The following OR4S2 variants were observed in gnomAD, a reference collection of about 807,000 sequenced individuals.
OR4S2 encodes the protein olfactory receptor 4S2.
A neutral mutation model predicts 15.1 loss-of-function variants in OR4S2; 16 were observed. The observed-to-expected ratio is 1.06, with a 90% CI of 0.72 to 1.61. The LOEUF is 1.61. Among genes scored for constraint, OR4S2 ranks in the 40% most tolerant of loss-of-function variants. The pLI is 0.00. For synonymous variants in OR4S2, 133 were observed against 136.3 expected (o/e 0.98, Z 0.17); for missense variants, 362 against 379.6 (o/e 0.95, Z 0.38).
rs970965785 is a variant in OR4S2, at chr11:55,649,427, G to A, written c.-37+877G>A. On this transcript the variant is annotated intron_variant, in intron 1 of 1. Coordinates refer to ENST00000641692, the MANE Select transcript of OR4S2 (RefSeq NM_001004059.3). ...ATTAGGCACGACTTCACTGCATAAG[G>A]ATAGCTGAGAGCACAGAGTTTAGTA... Among the ~76,000 whole-genome samples, 3 of 138,416 alleles carry A rather than the reference G, an allele frequency of 2.2e-5. 1 individual carries two copies. The highest frequency in any genetic ancestry group is 1.6e-5 in the Non-Finnish European group (1 of 62,164). The allele number at this position is 138,416 out of a possible 152,430, so 90.8% of individuals were successfully genotyped here.
intron 1 of OR4S2, 59 bp from the exon 2 acceptor site, chr11:55,650,809 G>T (rs139342090): frequency 4.8e-6 from 3 of 621,426 alleles, no homozygotes; most frequent in African/African-American, 1.8e-5. Flanking sequence ...GTGATTTTCC[G>T]TTGGTTCTGC....
In OR4S2 at chr11:55,651,340, C is replaced by T. The variant is rs778705235; in HGVS notation, c.437C>T (p.Thr146Met). 215 of 1,483,726 alleles carry T rather than the reference C, an allele frequency of 1.4e-4. 33 individuals are homozygous for T. The highest frequency in any genetic ancestry group is 1.9e-4 in the Non-Finnish European group (202 of 1,089,438). The allele number at this position is 1,483,726 out of a possible 1,614,324, so 91.9% of individuals were successfully genotyped here. The change falls in exon 2 of 2, where the codon ACG becomes ATG. Residue 146 changes from threonine (T) to methionine (M), a missense_variant. Transcript: ENST00000641692. ...ACATGCAATAAAATGTTATTAGGGA[C>T]GTGGGTAGGTGGGTTCTTACACTCC... is the stretch of plus-strand genomic sequence containing the variant. ...RETCNKMLLG[T>M]WVGGFLHSII...
chr11:55,650,844 C>T lies in OR4S2; in HGVS notation c.-36-24C>T. The T allele has an allele frequency of 2.0e-5, 16 of 810,290 alleles. 1 individual carries two copies. Among genetic ancestry groups the T allele is most frequent in the South Asian group, 1.1e-4 (6 of 54,892 alleles). The allele number at this position is 810,290 out of a possible 1,614,324, so 50.2% of individuals were successfully genotyped here. A position where few individuals can be genotyped will look rare whatever the true frequency, so the allele number is the denominator to read the frequency against. ...CGTTAGAAATAAAATAAATACAGTC[C>T]TTTTTATGTTTTCTTTTTTTCAGGT... On this transcript the variant is annotated intron_variant, in intron 1 of 1. Coordinates refer to ENST00000641692, the MANE Select transcript of OR4S2 (RefSeq NM_001004059.3).
rs1858573355 is a variant in OR4S2, at chr11:55,651,806, C to T, written c.903C>T (p.Gly301=). The T allele has an allele frequency of 6.9e-7, 1 of 1,443,838 alleles. No individual in the cohort carries two copies. Among genetic ancestry groups the T allele is most frequent in the East Asian group, 2.6e-5 (1 of 38,302 alleles). 89.4% of individuals were successfully genotyped at this position (1,443,838 alleles called of 1,614,324 possible). A position where few individuals can be genotyped will look rare whatever the true frequency, so the allele number is the denominator to read the frequency against. ...AGAATGCAATGAAGAAACTGTGGGG[C>T]AGAAATGTTTTCTTGGAGGCTAAAG... ...EVKNAMKKLW[G]RNVFLEAKGK is the part of the protein sequence containing the mutation. The change falls in exon 2 of 2, where the codon GGC becomes GGT. Residue 301 remains glycine, a synonymous_variant. Transcript: ENST00000641692.
intron 1 of OR4S2, among the ~76,000 whole-genome samples, chr11:55,650,164 A>C (rs747523290): frequency 1.4e-5 from 2 of 139,222 alleles, no homozygotes; most frequent in Non-Finnish European, 3.2e-5. Context: ...AATTTCTGTT[A>C]AGTTAAATAA....
rs1858576584 is a variant in OR4S2 at position 55,652,049 on chromosome 11, G to A, written c.*210G>A. On this transcript the variant is annotated 3_prime_UTR_variant, in exon 2 of 2. Coordinates refer to ENST00000641692, the MANE Select transcript of OR4S2 (RefSeq NM_001004059.3). ...AACTTCCTGAAATATCTATGACACA[G>A]AAATATTATTAAACTTAGAATCACA... 1 of 299,268 alleles carries A rather than the reference G, an allele frequency of 3.3e-6. No individual in the cohort carries two copies. The highest frequency in any genetic ancestry group is 6.0e-6 in the Non-Finnish European group (1 of 165,968). 18.5% of individuals were successfully genotyped at this position (299,268 alleles called of 1,614,324 possible). A position where few individuals can be genotyped will look rare whatever the true frequency, so the allele number is the denominator to read the frequency against.
chr11:55,648,501 C>T lies in OR4S2; in HGVS notation c.-86C>T, dbSNP rs1858525412. 1.5e-5 allele frequency: 2 copies of T among 137,570 alleles called. No homozygotes were observed. The highest frequency in any genetic ancestry group is 3.2e-5 in the Non-Finnish European group (2 of 61,924). The allele number at this position is 137,570 out of a possible 1,614,324, so 8.5% of individuals were successfully genotyped here. A position where few individuals can be genotyped will look rare whatever the true frequency, so the allele number is the denominator to read the frequency against. On this transcript the variant is annotated 5_prime_UTR_variant, in exon 1 of 2. Transcript: ENST00000641692. ...CCTTGGGAAGCTGCACCCAAATTAACTCAAGAAGAGATAGAAACATAAAGT... is the reference window on the plus strand; with the variant it reads ...CCTTGGGAAGCTGCACCCAAATTAATTCAAGAAGAGATAGAAACATAAAGT...
rs1283763403 is a variant in OR4S2 at position 55,652,537 on chromosome 11, C to T, written c.*698C>T. 3 of 139,030 alleles carry T rather than the reference C, an allele frequency of 2.2e-5. No homozygotes were observed. Among genetic ancestry groups the T allele is most frequent in the African/African-American group, 7.5e-5 (3 of 40,004 alleles). The allele number at this position is 139,030 out of a possible 1,614,324, so 8.6% of individuals were successfully genotyped here. On this transcript the variant is annotated 3_prime_UTR_variant, in exon 2 of 2. Transcript: ENST00000641692. ...CTCAGTCTTTCAAAAGAATAAACCT[C>T]CAATCTTTTGTGAAGTAATATAGAG...
rs1394583055 is a variant in OR4S2, at chr11:55,651,047, C to A, written c.144C>A (p.Cys48Ter). 2 of 1,479,146 alleles carry A rather than the reference C, an allele frequency of 1.4e-6. No homozygotes were observed. Among genetic ancestry groups the A allele is most frequent in the Non-Finnish European group, 1.8e-6 (2 of 1,085,102 alleles). 91.6% of individuals were successfully genotyped at this position (1,479,146 alleles called of 1,614,324 possible). ...ATCTCCTCATCATGCTGACAGTTTG[C>A]CTGAGCAACCTGTTTAAGTCACCCA... ...LGNLLIMLTVCLSNLFKSPMY... is the reference protein window; with the variant it reads ...LGNLLIMLTV The change falls in exon 2 of 2, where the codon TGC becomes TGA. Residue 48 changes from cysteine (C) to a stop codon, truncating the protein, a stop_gained. Coordinates refer to ENST00000641692, the MANE Select transcript of OR4S2 (RefSeq NM_001004059.3). LOFTEE classifies it high-confidence loss of function.
chr11:55,649,544 G>T (rs1858538230), intron 1 of OR4S2, among the ~76,000 whole-genome samples: 1 of 138,332 alleles, frequency 7.2e-6, no homozygotes, highest in South Asian at 2.4e-4. Flanking sequence ...TACACCTGCG[G>T]TTGATTAGCG....
In OR4S2 at chr11:55,651,945, A is replaced by T; in HGVS notation, c.*106A>T. 1.8e-6 allele frequency: 1 copy of T among 552,334 alleles called. No homozygotes were observed. 34.2% of individuals were successfully genotyped at this position (552,334 alleles called of 1,614,324 possible). A position where few individuals can be genotyped will look rare whatever the true frequency, so the allele number is the denominator to read the frequency against. ...ACCTCATGGGATTTGGAGTGGAAAA[A>T]TGAGACAATAACACATTCAAAAGAG... On this transcript the variant is annotated 3_prime_UTR_variant, in exon 2 of 2. Coordinates refer to ENST00000641692, the MANE Select transcript of OR4S2 (RefSeq NM_001004059.3).
rs1161100606 is a variant in OR4S2, at chr11:55,649,277, C to T, written c.-37+727C>T. Among the ~76,000 whole-genome samples the T allele has an allele frequency of 1.4e-5, 2 of 138,348 alleles. 1 individual carries two copies. The highest frequency in any genetic ancestry group is 4.7e-4 in the East Asian group (2 of 4,244). The allele number at this position is 138,348 out of a possible 152,430, so 90.8% of individuals were successfully genotyped here. On this transcript the variant is annotated intron_variant, in intron 1 of 1. Coordinates refer to ENST00000641692, the MANE Select transcript of OR4S2 (RefSeq NM_001004059.3). ...TTGAGACTGTATCTAAATCATATTACTATTACTCTTACAATCATTATTTTG... is the reference window on the plus strand; with the variant it reads ...TTGAGACTGTATCTAAATCATATTATTATTACTCTTACAATCATTATTTTG...
Position 55,652,037 on chromosome 11 carries a change from ATC to A in OR4S2, c.*200_*201del. On this transcript the variant is annotated 3_prime_UTR_variant, in exon 2 of 2. Coordinates refer to ENST00000641692, the MANE Select transcript of OR4S2 (RefSeq NM_001004059.3). ...TCATAATTAGATAACTTCCTGAAAT[ATC>A]TATGACACAGAAATATTATTAAACT... The A allele has an allele frequency of 3.1e-6, 1 of 319,858 alleles. No individual in the cohort carries two copies. Among genetic ancestry groups the A allele is most frequent in the Non-Finnish European group, 5.6e-6 (1 of 178,354 alleles). 19.8% of individuals were successfully genotyped at this position (319,858 alleles called of 1,614,324 possible).
chr11:55,651,656 C>A lies in OR4S2; in HGVS notation c.753C>A (p.Pro251=). The A allele has an allele frequency of 3.3e-6, 5 of 1,493,012 alleles. 1 individual carries two copies. The highest frequency in any genetic ancestry group is 4.6e-6 in the Non-Finnish European group (5 of 1,097,686). 92.5% of individuals were successfully genotyped at this position (1,493,012 alleles called of 1,614,324 possible). A position where few individuals can be genotyped will look rare whatever the true frequency, so the allele number is the denominator to read the frequency against. Reference sequence around the variant, plus strand: ...CCATGGTCGTTATCTTTTTCGGCCCCTGTACTTTTATGTACATGCGCCCTG... The same window carrying A: ...CCATGGTCGTTATCTTTTTCGGCCCATGTACTTTTATGTACATGCGCCCTG... ...HIAMVVIFFG[P]CTFMYMRPDT... Residue 251 remains proline (P), a synonymous_variant, in exon 2 of 2, where the codon CCC becomes CCA. Coordinates refer to ENST00000641692, the MANE Select transcript of OR4S2 (RefSeq NM_001004059.3).
At position 55,651,289 on chromosome 11, in the gene OR4S2, A is replaced by G. The variant is rs909822741; in HGVS notation, c.386A>G (p.His129Arg). Residue 129 changes from histidine to arginine, a missense_variant, in exon 2 of 2, where the codon CAT (histidine) becomes CGT (arginine). Physicochemically the swap from His to Arg is conservative, Grantham distance 29. Transcript: ENST00000641692. ...TATGTGGCTATCTGTAAACCCCTAC[A>G]TTATATGACCATCATGAACCGGGAG... ...DRYVAICKPL[H>R]YMTIMNRETC... The G allele has an allele frequency of 2.7e-6, 4 of 1,487,242 alleles. No homozygotes were observed. The African/African-American group carries it at 4.1e-5, about 15-fold the overall frequency. 92.1% of individuals were successfully genotyped at this position (1,487,242 alleles called of 1,614,324 possible).
At position 55,652,756 on chromosome 11, in the gene OR4S2, C is replaced by T. The variant is rs1421217208; in HGVS notation, c.*917C>T. 7 of 139,032 alleles carry T rather than the reference C, an allele frequency of 5.0e-5. 2 individuals carry two copies. Among genetic ancestry groups the T allele is most frequent in the Non-Finnish European group, 9.6e-5 (6 of 62,394 alleles). The allele number at this position is 139,032 out of a possible 1,614,324, so 8.6% of individuals were successfully genotyped here. Reference sequence around the variant, plus strand: ...GATGGCTATAACTTCCCCCACAATGCTAAGTTAACTACTTAGTAACACTGT... The same window carrying T: ...GATGGCTATAACTTCCCCCACAATGTTAAGTTAACTACTTAGTAACACTGT... On this transcript the variant is annotated 3_prime_UTR_variant, in exon 2 of 2. Coordinates refer to ENST00000641692, the MANE Select transcript of OR4S2 (RefSeq NM_001004059.3).
At position 55,651,456 on chromosome 11, in the gene OR4S2, C is replaced by G. The variant is rs150599534; in HGVS notation, c.553C>G (p.Leu185Val). Residue 185 changes from leucine to valine, a missense_variant, in exon 2 of 2, where the codon CTT (leucine) becomes GTT (valine). Coordinates refer to ENST00000641692, the MANE Select transcript of OR4S2 (RefSeq NM_001004059.3). ...TTGTGATGTTCACCCTGTGTTGAAA[C>G]TTGCCTGCACAGAAACATACATTGT... ...YFCDVHPVLK[L>V]ACTETYIVGV... 2.7e-6 allele frequency: 4 copies of G among 1,488,232 alleles called. 1 individual carries two copies. Among genetic ancestry groups the G allele is most frequent in the Non-Finnish European group, 3.7e-6 (4 of 1,092,990 alleles). 92.2% of individuals were successfully genotyped at this position (1,488,232 alleles called of 1,614,324 possible).
In OR4S2 at chr11:55,652,591, G is replaced by C. The variant is rs1479352904; in HGVS notation, c.*752G>C. The C allele has an allele frequency of 7.2e-6, 1 of 139,084 alleles. No homozygotes were observed. The highest frequency in any genetic ancestry group is 2.5e-5 in the African/African-American group (1 of 39,976). 8.6% of individuals were successfully genotyped at this position (139,084 alleles called of 1,614,324 possible). ...TTCTTACCTGTCTGTGTAGAAAATG[G>C]CCTGTGGAAATAAAATAATTTTCAT... On this transcript the variant is annotated 3_prime_UTR_variant, in exon 2 of 2. Transcript: ENST00000641692.
In OR4S2 at chr11:55,651,188, C is replaced by A. The variant is rs143362220; in HGVS notation, c.285C>A (p.Cys95Ter). The A allele has an allele frequency of 1.7e-3, 2,572 of 1,485,016 alleles. 512 individuals are homozygous for A. The highest frequency in any genetic ancestry group is 2.2e-3 in the Non-Finnish European group (2,364 of 1,090,132). The allele number at this position is 1,485,016 out of a possible 1,614,324, so 92.0% of individuals were successfully genotyped here. ...AKDKTISYVGCMLQLFGVHFF... is the reference protein window; with the variant it reads ...AKDKTISYVG ...ACAAAACCATCTCCTATGTGGGGTG[C>A]ATGTTGCAACTGTTTGGAGTACATT... is the stretch of plus-strand genomic sequence containing the variant. The change falls in exon 2 of 2, where the codon TGC becomes TGA. Residue 95 changes from cysteine (C) to a stop codon, truncating the protein, a stop_gained. Transcript: ENST00000641692. LOFTEE classifies it high-confidence loss of function.
Sources: gnomAD v4.1 joint callset for allele counts (sites outside exome capture counted in the v4.1 genomes callset) on GRCh38, gnomAD v4.1.1 for gene constraint, MANE v1.5 for transcripts, NCBI Gene and HGNC (gene_info 2026-07-23, HGNC 2026-07-21) for gene names.